The following TBC1D20 variants were observed in gnomAD, a reference collection of about 807,000 sequenced individuals.
The protein encoded by TBC1D20 is chromosome 20 open reading frame 140.
In TBC1D20, 12 loss-of-function variants were observed where a neutral mutation model predicts 41.6. The ratio of observed to expected loss-of-function variants is 0.29; its 90% CI spans 0.18 to 0.47. TBC1D20 has a LOEUF of 0.47. TBC1D20 is among the 20% of genes least tolerant of loss of function. The probability of loss-of-function intolerance (pLI) is 1.00; values close to 1 mark genes in which losing one functional copy is unlikely to be tolerated. For synonymous variants in TBC1D20, 205 were observed against 204.8 expected (o/e 1.00, Z -0.01); for missense variants, 421 against 517.4 (o/e 0.81, Z 1.81).
chr20:445,676 T>C (rs2017318469), intron 2 of TBC1D20, among the ~76,000 whole-genome samples: 1 of 152,230 alleles, frequency 6.6e-6, no homozygotes, highest in African/African-American at 2.4e-5. Context: ...GTCCTTGTGT[T>C]CAGCTGCTAA....
In TBC1D20 at chr20:438,391, C is replaced by T; in HGVS notation, c.*195G>A. The T allele has an allele frequency of 1.6e-6, 1 of 623,702 alleles. No individual in the cohort carries two copies. Among genetic ancestry groups the T allele is most frequent in the Non-Finnish European group, 2.7e-6 (1 of 364,364 alleles). The allele number at this position is 623,702 out of a possible 1,614,324, so 38.6% of individuals were successfully genotyped here. On this transcript the variant is annotated 3_prime_UTR_variant, in exon 8 of 8. Coordinates refer to ENST00000354200, the MANE Select transcript of TBC1D20 (RefSeq NM_144628.4). ...GGCATAAGATTCTGTGCCAGGCCCC[C>T]AGGTCCCCTCTGTGTCAGGTAGGCT...
At chr20:441,350 C>T (rs980274159) in intron 5 of TBC1D20, 8 of 505,266 alleles carry the variant, frequency 1.6e-5, no homozygotes, top group Admixed American at 6.5e-5. Flanking sequence ...ACCTTATCCA[C>T]CTCTCCCCAC....
intron 1 of TBC1D20, among the ~76,000 whole-genome samples, chr20:452,427 G>C (rs1032120210): frequency 6.6e-6 from 1 of 152,166 alleles, no homozygotes; most frequent in Non-Finnish European, 1.5e-5. Context: ...CCACAAAATC[G>C]AGAACAGCCT....
chr20:457,390 A>T (rs1028138966), intron 1 of TBC1D20, among the ~76,000 whole-genome samples: 1 of 151,902 alleles, frequency 6.6e-6, no homozygotes, highest in Non-Finnish European at 1.5e-5. Context: ...GCCTAATTTT[A>T]AAAAAATTTT....
At chr20:442,944 C>T (rs1156625892) in intron 3 of TBC1D20, among the ~76,000 whole-genome samples, 1 of 151,904 alleles carries the variant, frequency 6.6e-6, no homozygotes, top group African/African-American at 2.4e-5. Flanking sequence ...ATAAAAAATA[C>T]AAAAAATTAG....
chr20:454,135 C>G (rs1017835997), intron 1 of TBC1D20, among the ~76,000 whole-genome samples: 1 of 150,378 alleles, frequency 6.6e-6, no homozygotes, highest in Non-Finnish European at 1.5e-5. Context: ...CCCAGCTACT[C>G]GAGAGGCTGA....
At chr20:447,206 T>C (rs1473878676) in intron 2 of TBC1D20, among the ~76,000 whole-genome samples, 2 of 150,518 alleles carry the variant, frequency 1.3e-5, no homozygotes, top group Admixed American at 1.3e-4. Context: ...AAGATCCACC[T>C]GCCTCAGCCT....
chr20:453,539 CATTTTT>C (rs2017488647), intron 1 of TBC1D20, among the ~76,000 whole-genome samples: 1 of 109,726 alleles, frequency 9.1e-6, no homozygotes, highest in Admixed American at 1.1e-4. Flanking sequence ...TGTAATCCAG[CATTTTT>C]TTTTTTTTTT....
chr20:442,435 T>C (rs1784919932), intron 3 of TBC1D20, among the ~76,000 whole-genome samples: 2 of 152,158 alleles, frequency 1.3e-5, no homozygotes, highest in Admixed American at 1.3e-4. Context: ...AAATACCCAA[T>C]ATCCCCAAAG....
chr20:449,455 C>T (rs1268259232), intron 1 of TBC1D20, among the ~76,000 whole-genome samples: 1 of 151,066 alleles, frequency 6.6e-6, no homozygotes, highest in Non-Finnish European at 1.5e-5. Context: ...ATTAGCCAGG[C>T]GTGGTGGCAT....
At chr20:454,265 A>G (rs2017504097) in intron 1 of TBC1D20, among the ~76,000 whole-genome samples, 1 of 147,778 alleles carries the variant, frequency 6.8e-6, no homozygotes, top group Non-Finnish European at 1.5e-5. Flanking sequence ...CAGAAAGAAC[A>G]TGGATTCACC....
chr20:441,724 A>G (rs2017234460), intron 4 of TBC1D20, 35 bp from the exon 5 acceptor site: 3 of 1,608,776 alleles, frequency 1.9e-6, no homozygotes, highest in Admixed American at 3.3e-5. Flanking sequence ...CTGGTTACCA[A>G]ACACTTAGAT....
chr20:442,279 T>G (rs1017731864), intron 3 of TBC1D20, among the ~76,000 whole-genome samples: 1 of 152,242 alleles, frequency 6.6e-6, no homozygotes, highest in Non-Finnish European at 1.5e-5. Flanking sequence ...CAGTTAATAC[T>G]GCTGGGACAC....
At position 462,514 on chromosome 20, in the gene TBC1D20, T is replaced by G; in HGVS notation, c.-109A>C. 3.5e-6 allele frequency: 2 copies of G among 566,584 alleles called. No homozygotes were observed. The highest frequency in any genetic ancestry group is 4.7e-6 in the Non-Finnish European group (2 of 422,638). 35.1% of individuals were successfully genotyped at this position (566,584 alleles called of 1,614,324 possible). ...CCCGCTCGGCATCGGCAGGCTCCCC[T>G]CCGTCGGCCAGCGGCGCGCAGGCGC... On this transcript the variant is annotated 5_prime_UTR_variant, in exon 1 of 8. Coordinates refer to ENST00000354200, the MANE Select transcript of TBC1D20 (RefSeq NM_144628.4).
intron 1 of TBC1D20, 103 bp downstream of exon 1, chr20:462,233 C>T (rs1162829992): frequency 5.0e-6 from 4 of 794,028 alleles, no homozygotes; most frequent in Non-Finnish European, 6.5e-6. Flanking sequence ...GCAGCAGCCC[C>T]GGGTCCCCAG....
Position 440,312 on chromosome 20 carries a change from A to G in TBC1D20, c.704T>C (p.Val235Ala). ...CAGGAAGAAGTCATATAACCGCACGACGTGCCTGAAGTCAGACAGGACATG... is the reference window on the plus strand; with the variant it reads ...CAGGAAGAAGTCATATAACCGCACGGCGTGCCTGAAGTCAGACAGGACATG... The part of the protein sequence containing the change: ...FGHVLSDFRH[V>A]VRLYDFFLAC... Residue 235 changes from valine (V) to alanine (A), a missense_variant, in exon 6 of 8, where the codon GTC (valine) becomes GCC (alanine). Coordinates refer to ENST00000354200, the MANE Select transcript of TBC1D20 (RefSeq NM_144628.4). 1 of 1,614,134 alleles carries G rather than the reference A, an allele frequency of 6.2e-7. No homozygotes were observed.
In TBC1D20 at chr20:462,508, C is replaced by CT; in HGVS notation, c.-104dup. 2 of 644,546 alleles carry CT rather than the reference C, an allele frequency of 3.1e-6. No homozygotes were observed. Among genetic ancestry groups the CT allele is most frequent in the Non-Finnish European group, 4.1e-6 (2 of 487,552 alleles). 39.9% of individuals were successfully genotyped at this position (644,546 alleles called of 1,614,324 possible). A position where few individuals can be genotyped will look rare whatever the true frequency, so the allele number is the denominator to read the frequency against. On this transcript the variant is annotated 5_prime_UTR_variant, in exon 1 of 8. Transcript: ENST00000354200. ...GTAGCACCCGCTCGGCATCGGCAGGCTCCCCTCCGTCGGCCAGCGGCGCGC... is the reference window on the plus strand; with the variant it reads ...GTAGCACCCGCTCGGCATCGGCAGGCTTCCCCTCCGTCGGCCAGCGGCGCGC...
rs1164252469 is a variant in TBC1D20, at chr20:439,771, T to C, written c.769-476A>G. ...AAGGGACCAGTGGTCATTGAAGGAC[T>C]TCCCTGAATTCCCATCTCCACCCCA... On this transcript the variant is annotated intron_variant, in intron 6 of 7. Transcript: ENST00000354200. This position sits in a 1 kb window ranked among gnomAD's most constrained non-coding sequence, Gnocchi z 4.6. Among the ~76,000 whole-genome samples, 2 of 152,190 alleles carry C rather than the reference T, an allele frequency of 1.3e-5. No homozygotes were observed. The highest frequency in any genetic ancestry group is 2.1e-4 in the South Asian group (1 of 4,828).
chr20:462,316 G>A lies in TBC1D20; in HGVS notation c.70+20C>T. On this transcript the variant is annotated intron_variant, in intron 1 of 7. Transcript: ENST00000354200. The stretch of plus-strand genomic sequence containing the variant: ...GCCGCCCTCGCAGGCCGCTCCCGGC[G>A]CCCCGGTCGGCTTCCGTACCTGCCT... The A allele has an allele frequency of 7.8e-7, 1 of 1,280,972 alleles. No homozygotes were observed. The allele number at this position is 1,280,972 out of a possible 1,614,324, so 79.4% of individuals were successfully genotyped here.
Sources: allele counts gnomAD v4.1 joint callset (sites outside exome capture counted in the v4.1 genomes callset), GRCh38; gene constraint gnomAD v4.1.1; non-coding constraint Gnocchi (gnomAD v3.1); transcripts MANE v1.5; gene names NCBI Gene and HGNC (gene_info 2026-07-23, HGNC 2026-07-21).